The following HMGB1 variants were observed in gnomAD, a reference collection of about 807,000 sequenced individuals.
The protein encoded by HMGB1 is high mobility group protein B1.
For synonymous variants in HMGB1, 81 were observed against 84.0 expected, an observed-to-expected ratio of 0.96 and a Z score of 0.19; for missense variants, 79 against 253.5, an observed-to-expected ratio of 0.31 and a Z score of 4.67.
intron 1 of HMGB1, among the ~76,000 whole-genome samples, chr13:30,565,339 G>A (rs986268671): frequency 6.6e-6 from 1 of 152,162 alleles, no homozygotes; most frequent in African/African-American, 2.4e-5. Context: ...CTCCTAGTGA[G>A]CTGTCAAGGG....
intron 1 of HMGB1, among the ~76,000 whole-genome samples, chr13:30,602,764 A>T (rs1950415312): frequency 1.3e-5 from 2 of 152,250 alleles, no homozygotes; most frequent in Non-Finnish European, 2.9e-5. Context: ...CCTCAAGAAC[A>T]AATGACCTTA....
At chr13:30,597,776 T>G (rs1255780157) in intron 1 of HMGB1, among the ~76,000 whole-genome samples, 2 of 152,090 alleles carry the variant, frequency 1.3e-5, no homozygotes, top group African/African-American at 4.8e-5. Context: ...TCCTTAAAAA[T>G]GTAAAAATCA....
At chr13:30,612,196 T>TACACATACACATATATACATACGC (rs1302416285) in intron 1 of HMGB1, among the ~76,000 whole-genome samples, 2 of 152,100 alleles carry the variant, frequency 1.3e-5, no homozygotes, top group African/African-American at 4.8e-5. Context: ...TATATACATA[T>TACACATACACATATATACATACGC]ACACATACAC....
At chr13:30,592,934 T>C (rs1871433044) in intron 1 of HMGB1, among the ~76,000 whole-genome samples, 1 of 151,740 alleles carries the variant, frequency 6.6e-6, no homozygotes, top group South Asian at 2.1e-4. Flanking sequence ...AATTCAAGAA[T>C]TCAAGCATTG....
chr13:30,570,270 T>C (rs1442710329), intron 1 of HMGB1, among the ~76,000 whole-genome samples: 2 of 152,196 alleles, frequency 1.3e-5, no homozygotes, highest in Non-Finnish European at 2.9e-5. Flanking sequence ...CTGGTCAACA[T>C]AGCGAGACCT....
chr13:30,611,692 T>C (rs2137575559), intron 1 of HMGB1, among the ~76,000 whole-genome samples: 1 of 152,318 alleles, frequency 6.6e-6, no homozygotes. Context: ...TCTACTTCTC[T>C]TTAGGAATAA....
intron 1 of HMGB1, among the ~76,000 whole-genome samples, chr13:30,565,849 C>T (rs1870163405): frequency 6.6e-6 from 1 of 152,224 alleles, no homozygotes. Flanking sequence ...TACCTCACTT[C>T]CCTACTATCT....
At chr13:30,499,024 C>T (rs1171093608) in intron 1 of HMGB1, among the ~76,000 whole-genome samples, 5 of 151,434 alleles carry the variant, frequency 3.3e-5, no homozygotes, top group Non-Finnish European at 7.4e-5. Flanking sequence ...GCAATCTCGG[C>T]TCACTCCAAC....
At chr13:30,483,935 G>A (rs560165620) in intron 1 of HMGB1, among the ~76,000 whole-genome samples, 1 of 152,148 alleles carries the variant, frequency 6.6e-6, no homozygotes, top group Non-Finnish European at 1.5e-5. Context: ...TCTTAGCAGA[G>A]CATCCTAGGC....
intron 1 of HMGB1, among the ~76,000 whole-genome samples, chr13:30,583,637 G>A (rs566579989): frequency 4.7e-5 from 7 of 149,422 alleles, no homozygotes; most frequent in African/African-American, 1.7e-4. Flanking sequence ...TCAAGAGATC[G>A]AGACCATCCT....
At chr13:30,464,144 TAA>T (rs5802568) in intron 1 of HMGB1, 19,041 of 709,112 alleles carry the variant, frequency 0.027, 99 homozygotes, top group South Asian at 0.046. Context: ...TATGGGACCT[TAA>T]AAAAAAAAAA....
Position 30,529,028 on chromosome 13 carries a change from C to CAA in HMGB1, c.-14-65336_-14-65335dup, listed in dbSNP as rs59654057. Among the ~76,000 whole-genome samples the CAA allele has an allele frequency of 9.7e-3, 518 of 53,518 alleles. 35 individuals are homozygous for CAA. The highest frequency in any genetic ancestry group is 0.014 in the Non-Finnish European group (417 of 28,832). The allele number at this position is 53,518 out of a possible 152,430, so 35.1% of individuals were successfully genotyped here. On this transcript the variant is annotated intron_variant, in intron 1 of 4. Transcript: ENST00000405805. ...TGGGCGACAGGGCGAGACTGCGTCT[C>CAA]AAAAAAAAAAAAAAAAAAAAAAAAA...
chr13:30,481,652 A>T (rs552957171), intron 1 of HMGB1, among the ~76,000 whole-genome samples: 2 of 152,282 alleles, frequency 1.3e-5, no homozygotes, highest in Admixed American at 1.3e-4. Context: ...GGGACACAAC[A>T]CATCTGCCAT....
At chr13:30,585,546 C>T (rs867657262) in intron 1 of HMGB1, among the ~76,000 whole-genome samples, 6 of 151,780 alleles carry the variant, frequency 4.0e-5, no homozygotes, top group East Asian at 3.9e-4. Flanking sequence ...GGAGTGGTGG[C>T]GCATGCCTGT....
chr13:30,515,339 G>C (rs1888079141), intron 1 of HMGB1, among the ~76,000 whole-genome samples: 1 of 152,200 alleles, frequency 6.6e-6, no homozygotes, highest in Non-Finnish European at 1.5e-5. Flanking sequence ...GTTCCCTTGA[G>C]CAGAGAACCT....
At chr13:30,584,487 A>G (rs535925677) in intron 1 of HMGB1, among the ~76,000 whole-genome samples, 109 of 152,302 alleles carry the variant, frequency 7.2e-4, no homozygotes, top group Non-Finnish European at 1.1e-3. Flanking sequence ...GCCTTTCCCC[A>G]ACCTCCTAAA....
chr13:30,487,290 T>C (rs1566003135), intron 1 of HMGB1, among the ~76,000 whole-genome samples: 1 of 152,238 alleles, frequency 6.6e-6, no homozygotes. Context: ...CTGCACCTAG[T>C]GAGTTCTGCT....
chr13:30,570,939 C>T (rs1297800500), intron 1 of HMGB1, among the ~76,000 whole-genome samples: 5 of 152,186 alleles, frequency 3.3e-5, no homozygotes, highest in African/African-American at 1.2e-4. Context: ...TGTGCTTTCA[C>T]TTTCATATTC....
chr13:30,607,361 G>A (rs1427557493), intron 1 of HMGB1, among the ~76,000 whole-genome samples: 1 of 152,182 alleles, frequency 6.6e-6, no homozygotes, highest in Non-Finnish European at 1.5e-5. Flanking sequence ...GGATCATGGG[G>A]GCGGCCTTCC....
Sources: gnomAD v4.1 joint callset for allele counts (sites outside exome capture counted in the v4.1 genomes callset) on GRCh38, gnomAD v4.1.1 for gene constraint, MANE v1.5 for transcripts, NCBI Gene and HGNC (gene_info 2026-07-23, HGNC 2026-07-21) for gene names.